The following IPCEF1 variants were observed in gnomAD, a reference collection of about 807,000 sequenced individuals.
IPCEF1 encodes interactor protein for cytohesin exchange factors 1.
IPCEF1 carries 31 observed loss-of-function variants against 50.9 expected under a neutral mutation model. The ratio of observed to expected loss-of-function variants is 0.61; its 90% confidence interval spans 0.46 to 0.82. The LOEUF (loss-of-function observed/expected upper bound fraction) is 0.82. Among genes scored for constraint, IPCEF1 ranks in the 40% least tolerant of loss-of-function variants. The pLI is 0.00. For synonymous variants in IPCEF1, 181 were observed against 192.0 expected, an observed-to-expected ratio of 0.94 and a Z score of 0.47; for missense variants, 458 against 514.0, an observed-to-expected ratio of 0.89 and a Z score of 1.05.
intron 11 of IPCEF1, among the ~76,000 whole-genome samples, chr6:154,163,948 A>C (rs568056277): frequency 1.3e-5 from 2 of 152,360 alleles, no homozygotes; most frequent in African/African-American, 4.8e-5. Flanking sequence ...GGGATTGTTT[A>C]TAGAAAGTTA....
intron 5 of IPCEF1, among the ~76,000 whole-genome samples, chr6:154,235,993 T>C (rs567593618): frequency 2.0e-5 from 3 of 152,230 alleles, no homozygotes; most frequent in East Asian, 3.8e-4. Flanking sequence ...CAAAATAGCA[T>C]GGTAGCGCCT....
At chr6:154,188,372 G>T (rs1801570027) in intron 10 of IPCEF1, among the ~76,000 whole-genome samples, 1 of 152,146 alleles carries the variant, frequency 6.6e-6, no homozygotes, top group Non-Finnish European at 1.5e-5. Context: ...AATGGAGAGA[G>T]GTAAAGAGAC....
chr6:154,236,539 G>A (rs1780149989), intron 5 of IPCEF1, among the ~76,000 whole-genome samples: 1 of 152,162 alleles, frequency 6.6e-6, no homozygotes, highest in African/African-American at 2.4e-5. Flanking sequence ...AAATGGCTAA[G>A]ATGGTAAACT....
At position 154,304,491 on chromosome 6, in the gene IPCEF1, C is replaced by G. The variant is rs1434478683; in HGVS notation, c.-61-14735G>C. Among the ~76,000 whole-genome samples the G allele has an allele frequency of 2.1e-5, 3 of 142,374 alleles. No individual in the cohort carries two copies. In the Admixed American group the frequency reaches 2.2e-4, roughly 10 times the overall value. 93.4% of individuals were successfully genotyped at this position (142,374 alleles called of 152,430 possible). ...ATCTCATTCATCTGTGTTCCCAACTCATAGCCCATCACTTAGGACACTAGT... is the reference window on the plus strand; with the variant it reads ...ATCTCATTCATCTGTGTTCCCAACTGATAGCCCATCACTTAGGACACTAGT... On this transcript the variant is annotated intron_variant, in intron 1 of 11. Coordinates refer to ENST00000367220, the MANE Select transcript of IPCEF1 (RefSeq NM_001130700.2).
intron 1 of IPCEF1, among the ~76,000 whole-genome samples, chr6:154,295,579 C>T (rs1782628065): frequency 6.6e-6 from 1 of 152,170 alleles, no homozygotes; most frequent in South Asian, 2.1e-4. Flanking sequence ...GGGTCTAGGT[C>T]AGCGACGCCT....
At chr6:154,353,721 C>T (rs1414941299) in intron 1 of IPCEF1, among the ~76,000 whole-genome samples, 1 of 152,144 alleles carries the variant, frequency 6.6e-6, no homozygotes, top group African/African-American at 2.4e-5. Flanking sequence ...GCTATAAGCC[C>T]ACTACTCATA....
chr6:154,223,989 C>T (rs763983686), intron 5 of IPCEF1, among the ~76,000 whole-genome samples: 3 of 152,176 alleles, frequency 2.0e-5, no homozygotes, highest in Non-Finnish European at 2.9e-5. Flanking sequence ...CACTGTCCCA[C>T]CTCTCTAAGA....
intron 5 of IPCEF1, among the ~76,000 whole-genome samples, chr6:154,232,029 T>C (rs1002262051): frequency 1.3e-5 from 2 of 152,206 alleles, no homozygotes; most frequent in African/African-American, 4.8e-5. Flanking sequence ...GTTATTATCA[T>C]TTTTACATAG....
chr6:154,312,784 A>T (rs1361133041), intron 1 of IPCEF1, among the ~76,000 whole-genome samples: 2 of 152,342 alleles, frequency 1.3e-5, no homozygotes, highest in Admixed American at 1.3e-4. Context: ...GATCAAAAAA[A>T]CTATGTGAGG....
chr6:154,354,415 A>ATCTCCACCACCACCTCCACCATCT (rs1177250226), intron 1 of IPCEF1, among the ~76,000 whole-genome samples: 1 of 46,706 alleles, frequency 2.1e-5, no homozygotes, highest in Non-Finnish European at 4.0e-5. Flanking sequence ...CTCCACCACC[A>ATCTCCACCACCACCTCCACCATCT]CCTCCACCAC....
chr6:154,176,256 C>T (rs1192772955), intron 10 of IPCEF1, among the ~76,000 whole-genome samples: 3 of 152,178 alleles, frequency 2.0e-5, no homozygotes, highest in African/African-American at 7.2e-5. Context: ...CCTTTGAAAA[C>T]TGGCATAAGA....
chr6:154,294,963 C>T (rs950322577), intron 1 of IPCEF1, among the ~76,000 whole-genome samples: 1 of 152,166 alleles, frequency 6.6e-6, no homozygotes, highest in Admixed American at 6.5e-5. Context: ...CTTTGGGAGG[C>T]CAAGGCGGGC....
At chr6:154,195,729 T>C (rs945518903) in intron 10 of IPCEF1, among the ~76,000 whole-genome samples, 10 of 152,070 alleles carry the variant, frequency 6.6e-5, no homozygotes, top group African/African-American at 2.2e-4. Context: ...ATGTGTCTAG[T>C]TCCTCCCACT....
At chr6:154,169,051 G>A (rs13202690) in intron 10 of IPCEF1, among the ~76,000 whole-genome samples, 8,584 of 147,254 alleles carry the variant, frequency 0.058, 289 homozygotes, top group African/African-American at 0.069. Context: ...TCAACTCTAA[G>A]ACCAAAAGCT....
At chr6:154,327,531 G>A (rs1215995923) in intron 1 of IPCEF1, among the ~76,000 whole-genome samples, 1 of 152,066 alleles carries the variant, frequency 6.6e-6, no homozygotes, top group Non-Finnish European at 1.5e-5. Context: ...ACCATCTCAC[G>A]CCAGTCAGAA....
intron 1 of IPCEF1, among the ~76,000 whole-genome samples, chr6:154,295,123 A>G (rs1277311266): frequency 2.6e-5 from 4 of 152,026 alleles, no homozygotes; most frequent in Admixed American, 6.6e-5. Context: ...GCGTGAAACC[A>G]GGAGGCGGGG....
intron 2 of IPCEF1, among the ~76,000 whole-genome samples, chr6:154,288,358 T>G (rs1782416431): frequency 6.6e-6 from 1 of 152,162 alleles, no homozygotes; most frequent in South Asian, 2.1e-4. Flanking sequence ...CAGAAAGATG[T>G]GTCCTTAATA....
rs540020815 is a variant in IPCEF1, at chr6:154,180,953, G to A, written c.911-12840C>T. Among the ~76,000 whole-genome samples the A allele has an allele frequency of 5.8e-3, 881 of 152,226 alleles. 11 individuals carry two copies. Among genetic ancestry groups the A allele is most frequent in the African/African-American group, 0.02 (851 of 41,516 alleles). ...CTAAGTGCCTGAGAAAGAAAAGACCGTGGAAGGCACTTGTCACCAAGAGAA... is the reference window on the plus strand; with the variant it reads ...CTAAGTGCCTGAGAAAGAAAAGACCATGGAAGGCACTTGTCACCAAGAGAA... On this transcript the variant is annotated intron_variant, in intron 10 of 11. Coordinates refer to ENST00000367220, the MANE Select transcript of IPCEF1 (RefSeq NM_001130700.2).
chr6:154,288,963 C>A (rs530864814), intron 2 of IPCEF1, among the ~76,000 whole-genome samples: 2 of 152,104 alleles, frequency 1.3e-5, no homozygotes, highest in East Asian at 3.9e-4. Flanking sequence ...GAGAGAATCA[C>A]CTGAGCCTGG....
Sources: allele counts gnomAD v4.1 joint callset (sites outside exome capture counted in the v4.1 genomes callset), GRCh38; gene constraint gnomAD v4.1.1; transcripts MANE v1.5; gene names NCBI Gene and HGNC (gene_info 2026-07-23, HGNC 2026-07-21).